The following DIXDC1 variants were observed in gnomAD, a reference collection of about 807,000 sequenced individuals.
The protein encoded by DIXDC1 is DIX domain containing 1.
In DIXDC1, 64 loss-of-function variants were observed where a neutral mutation model predicts 103.1. The ratio of observed to expected loss-of-function variants is 0.62; its 90% confidence interval spans 0.51 to 0.76. The LOEUF (loss-of-function observed/expected upper bound fraction) is 0.76, where lower values mean the gene tolerates loss of function less well. Among genes scored for constraint, DIXDC1 ranks in the 30% least tolerant of loss-of-function variants. The probability of loss-of-function intolerance (pLI) is 0.00; values close to 1 mark genes in which losing one functional copy is unlikely to be tolerated. For missense variants in DIXDC1, 759 were observed against 834.2 expected (o/e 0.91, Z 1.11); for synonymous variants, 266 against 298.5 (o/e 0.89, Z 1.12).
chr11:111,986,642 A>T (rs1860500485), intron 8 of DIXDC1, among the ~76,000 whole-genome samples: 1 of 151,784 alleles, frequency 6.6e-6, no homozygotes, highest in Non-Finnish European at 1.5e-5. Context: ...GGGATTACAG[A>T]TGTGAGCCAC....
Position 111,985,291 on chromosome 11 carries a change from T to A in DIXDC1, c.978T>A (p.Cys326Ter). 1.2e-6 allele frequency: 2 copies of A among 1,613,666 alleles called. No individual in the cohort carries two copies. Among genetic ancestry groups the A allele is most frequent in the Non-Finnish European group, 1.7e-6 (2 of 1,179,784 alleles). Residue 326 changes from cysteine to a stop codon, truncating the protein, a stop_gained, in exon 8 of 20, where the codon TGT (cysteine) becomes TGA (stop). Transcript: ENST00000440460. LOFTEE classifies it high-confidence loss of function. ...AACAGGAGAGGCCCTTGGCCCTCTG[T>A]GAACCAGGTGTCAATCCCGAGGAAC... is the stretch of plus-strand genomic sequence containing the variant. Reference protein sequence around the residue: ...EDEQERPLALCEPGVNPEEQL... With the variant: ...EDEQERPLAL
intron 7 of DIXDC1, among the ~76,000 whole-genome samples, chr11:111,983,858 G>A (rs1860404171): frequency 6.6e-6 from 1 of 152,200 alleles, no homozygotes; most frequent in Non-Finnish European, 1.5e-5. Flanking sequence ...AGGGCTCACA[G>A]CATCCACTGG....
chr11:111,965,564 CAG>C (rs1318134891), intron 2 of DIXDC1, among the ~76,000 whole-genome samples: 1 of 152,164 alleles, frequency 6.6e-6, no homozygotes, highest in Non-Finnish European at 1.5e-5. Flanking sequence ...ATGAATTCAT[CAG>C]AGTATTCATC....
intron 2 of DIXDC1, among the ~76,000 whole-genome samples, chr11:111,931,638 A>T (rs1592529817): frequency 6.6e-6 from 1 of 152,288 alleles, no homozygotes; most frequent in African/African-American, 2.4e-5. Flanking sequence ...TTGAGACTCC[A>T]TCCCAAAATA....
chr11:111,972,588 G>A (rs1686514837), intron 3 of DIXDC1, among the ~76,000 whole-genome samples: 1 of 152,124 alleles, frequency 6.6e-6, no homozygotes, highest in South Asian at 2.1e-4. Context: ...GGCCTCCCAT[G>A]CCCTGTGTGA....
intron 1 of DIXDC1, among the ~76,000 whole-genome samples, chr11:111,929,254 GC>G (rs1412431849): frequency 6.6e-6 from 1 of 152,208 alleles, no homozygotes; most frequent in African/African-American, 2.4e-5. Flanking sequence ...GGAAGTAAAT[GC>G]CAGTAGCAGA....
upstream of DIXDC1, among the ~76,000 whole-genome samples, chr11:111,934,025 A>C (rs1555167930): frequency 6.6e-6 from 1 of 152,204 alleles, no homozygotes; most frequent in Admixed American, 6.5e-5. Flanking sequence ...ATAGATTTAC[A>C]TTTTTGTAAT....
intron 3 of DIXDC1, among the ~76,000 whole-genome samples, chr11:111,972,198 A>C (rs1452223695): frequency 6.6e-6 from 1 of 152,222 alleles, no homozygotes; most frequent in African/African-American, 2.4e-5. Flanking sequence ...ACAAAGCTAA[A>C]AAATAAAATA....
At chr11:111,929,109 G>A (rs1199152119) in intron 1 of DIXDC1, among the ~76,000 whole-genome samples, 1 of 152,118 alleles carries the variant, frequency 6.6e-6, no homozygotes, top group Non-Finnish European at 1.5e-5. Context: ...AACCTGGGAG[G>A]CAGAGGTTGC....
chr11:111,974,850 C>T, intron 4 of DIXDC1, 26 bp from the exon 5 acceptor site: 1 of 1,609,640 alleles, frequency 6.2e-7, no homozygotes, highest in Non-Finnish European at 8.5e-7. Context: ...TGACACCTTC[C>T]CTTTGCTGGG....
Position 112,019,165 on chromosome 11 carries a change from G to T in DIXDC1, c.*129G>T, listed in dbSNP as rs1861683551. 1.4e-6 allele frequency: 1 copy of T among 701,266 alleles called. No homozygotes were observed. Among genetic ancestry groups the T allele is most frequent in the Non-Finnish European group, 2.4e-6 (1 of 414,156 alleles). The allele number at this position is 701,266 out of a possible 1,614,324, so 43.4% of individuals were successfully genotyped here. On this transcript the variant is annotated 3_prime_UTR_variant, in exon 20 of 20. Transcript: ENST00000440460. ...TGTGCCAAAACAGAAGCTTCTCCAA[G>T]CATGATGGCCACAGGTCAGTCCTCT...
In DIXDC1 at chr11:111,990,415, C is replaced by T. The variant is rs77523010; in HGVS notation, c.1113+1360C>T. Among the ~76,000 whole-genome samples, 710 of 152,154 alleles carry T rather than the reference C, an allele frequency of 4.7e-3. 4 individuals carry two copies. The highest frequency in any genetic ancestry group is 7.3e-3 in the Non-Finnish European group (499 of 68,012). ...CTCCTAGAGGCATCTTAACAGTTAT[C>T]AGCACATTTGTGTCTACATCGCTTT... is the stretch of plus-strand genomic sequence containing the variant. On this transcript the variant is annotated intron_variant, in intron 10 of 19. Coordinates refer to ENST00000440460, the MANE Select transcript of DIXDC1 (RefSeq NM_001037954.4).
chr11:111,993,861 G>C (rs1860793071), intron 14 of DIXDC1, 121 bp downstream of exon 14: 1 of 1,104,512 alleles, frequency 9.1e-7, no homozygotes. Flanking sequence ...TGATGAGCTA[G>C]TTAAAAGTGC....
At chr11:111,946,210 G>A (rs1330088057) in intron 1 of DIXDC1, among the ~76,000 whole-genome samples, 2 of 150,892 alleles carry the variant, frequency 1.3e-5, no homozygotes, top group African/African-American at 2.4e-5. Context: ...CTGGGTTCCC[G>A]CCATTCTCCT....
At chr11:111,936,864 G>A (rs954268915), upstream of DIXDC1, among the ~76,000 whole-genome samples, 1 of 151,566 alleles carries the variant, frequency 6.6e-6, no homozygotes. Flanking sequence ...GTGTGTGTGT[G>A]TGTGTGTGTG....
chr11:112,001,866 C>T (rs1291568772), intron 17 of DIXDC1, among the ~76,000 whole-genome samples: 1 of 151,522 alleles, frequency 6.6e-6, no homozygotes, highest in African/African-American at 2.4e-5. Flanking sequence ...AAGCAATTCT[C>T]CTGCCTCAGC....
rs1484334632 is a variant in DIXDC1 at position 112,022,114 on chromosome 11, C to G, written c.*3078C>G. 1 of 152,058 alleles carries G rather than the reference C, an allele frequency of 6.6e-6. No homozygotes were observed. Among genetic ancestry groups the G allele is most frequent in the Non-Finnish European group, 1.5e-5 (1 of 68,020 alleles). The allele number at this position is 152,058 out of a possible 1,614,324, so 9.4% of individuals were successfully genotyped here. ...ATTTGAAGAATTTGTTTTAAACTTA[C>G]TTGGTAATGGCACTTCTACTTACTG... is the stretch of plus-strand genomic sequence containing the variant. On this transcript the variant is annotated 3_prime_UTR_variant, in exon 20 of 20. Coordinates refer to ENST00000440460, the MANE Select transcript of DIXDC1 (RefSeq NM_001037954.4). The surrounding 1 kb of genome is among the most constrained non-coding windows in gnomAD (Gnocchi z 4.9).
chr11:112,005,323 A>G (rs1044304132), intron 17 of DIXDC1, among the ~76,000 whole-genome samples: 1 of 152,180 alleles, frequency 6.6e-6, no homozygotes, highest in African/African-American at 2.4e-5. Flanking sequence ...TATAAAGATG[A>G]TACATAATAA....
intron 17 of DIXDC1, among the ~76,000 whole-genome samples, chr11:111,996,578 C>T (rs1205564813): frequency 2.6e-5 from 4 of 152,146 alleles, no homozygotes; most frequent in Non-Finnish European, 2.9e-5. Flanking sequence ...AGGCCGGGCG[C>T]GGTGGCTCAC....
Sources: allele counts gnomAD v4.1 joint callset (sites outside exome capture counted in the v4.1 genomes callset), GRCh38; gene constraint gnomAD v4.1.1; non-coding constraint Gnocchi (gnomAD v3.1); transcripts MANE v1.5; gene names NCBI Gene and HGNC (gene_info 2026-07-23, HGNC 2026-07-21).